The following CLASP1 variants were observed in gnomAD, a reference collection of about 807,000 sequenced individuals.
The protein encoded by CLASP1 is CLIP-associating protein 1.
In CLASP1, 38 loss-of-function variants were observed where a neutral mutation model predicts 192.3. That is an observed-to-expected ratio of 0.20 (90% CI 0.15 to 0.26). The LOEUF is 0.26. Among genes scored for constraint, CLASP1 ranks in the 10% least tolerant of loss-of-function variants. CLASP1 has a pLI of 1.00. For synonymous variants in CLASP1, 691 were observed against 712.8 expected, an observed-to-expected ratio of 0.97 and a Z score of 0.49; for missense variants, 1,433 against 1,932.5, an observed-to-expected ratio of 0.74 and a Z score of 4.85.
intron 8 of CLASP1, among the ~76,000 whole-genome samples, chr2:121,475,834 G>A (rs2091529649): frequency 6.6e-6 from 1 of 152,104 alleles, no homozygotes; most frequent in African/African-American, 2.4e-5. Flanking sequence ...GACTGCCATG[G>A]GAGGGCCACT....
chr2:121,489,462 T>C (rs936027122), intron 8 of CLASP1, among the ~76,000 whole-genome samples: 1 of 152,248 alleles, frequency 6.6e-6, no homozygotes, highest in Non-Finnish European at 1.5e-5. Flanking sequence ...TGTTACTGTA[T>C]GCAATTTTAC....
At chr2:121,449,598 G>GA (rs766800084) in intron 16 of CLASP1, among the ~76,000 whole-genome samples, 4 of 115,978 alleles carry the variant, frequency 3.4e-5, no homozygotes, top group Non-Finnish European at 6.6e-5. Context: ...TAAAGACCAA[G>GA]AAAAAATGGG....
intron 2 of CLASP1, among the ~76,000 whole-genome samples, chr2:121,574,342 A>G (rs2060270487): frequency 6.6e-6 from 1 of 151,000 alleles, no homozygotes; most frequent in East Asian, 1.9e-4. Flanking sequence ...AAAAAAAAAA[A>G]AATCACTGAT....
chr2:121,476,554 T>G (rs936441479), intron 8 of CLASP1, among the ~76,000 whole-genome samples: 5 of 152,146 alleles, frequency 3.3e-5, no homozygotes, highest in African/African-American at 1.2e-4. Flanking sequence ...TCACAGAAAC[T>G]AAGAAATAAC....
intron 30 of CLASP1, among the ~76,000 whole-genome samples, chr2:121,394,459 G>C (rs1189134153): frequency 6.6e-6 from 1 of 152,222 alleles, no homozygotes; most frequent in Non-Finnish European, 1.5e-5. Context: ...GGTTTCTGAA[G>C]AGAAATGAGC....
At chr2:121,602,012 T>C (rs919377353) in intron 2 of CLASP1, among the ~76,000 whole-genome samples, 26 of 151,808 alleles carry the variant, frequency 1.7e-4, no homozygotes, top group Non-Finnish European at 3.5e-4. Context: ...CCATCTCTAC[T>C]AAAAACACAA....
intron 26 of CLASP1, chr2:121,403,330 G>C: frequency 2.2e-6 from 1 of 449,158 alleles, no homozygotes; most frequent in Non-Finnish European, 4.5e-6. Context: ...CCCTGCCCCA[G>C]AGCAGGTACT....
chr2:121,409,016 A>G (rs2077309001), intron 24 of CLASP1: 5 of 1,562,378 alleles, frequency 3.2e-6, no homozygotes, highest in Middle Eastern at 1.7e-4. Context: ...AAGTTAAAGG[A>G]CTGGTACCTT....
intron 19 of CLASP1, among the ~76,000 whole-genome samples, chr2:121,436,362 A>G (rs974051895): frequency 2.8e-5 from 4 of 143,980 alleles, no homozygotes; most frequent in Non-Finnish European, 6.1e-5. Context: ...CAGATTTTTT[A>G]TTTTTGTCTT....
At chr2:121,519,243 A>G (rs368905610) in intron 6 of CLASP1, among the ~76,000 whole-genome samples, 2 of 152,250 alleles carry the variant, frequency 1.3e-5, no homozygotes, top group Non-Finnish European at 2.9e-5. Flanking sequence ...ACTGAAAGAA[A>G]TAACAGTTTC....
intron 34 of CLASP1, among the ~76,000 whole-genome samples, chr2:121,371,495 TC>T (rs1450206429): frequency 6.6e-6 from 1 of 151,982 alleles, no homozygotes; most frequent in Non-Finnish European, 1.5e-5. Context: ...TGCCTTGGCC[TC>T]CCAAAGTGCT....
chr2:121,637,896 A>G (rs10192666), intron 1 of CLASP1, among the ~76,000 whole-genome samples: 32,829 of 151,930 alleles, frequency 0.22, 5,054 homozygotes, highest in African/African-American at 0.43. Flanking sequence ...AAAAAAAAAA[A>G]GAATTGAAAA....
At chr2:121,362,369 A>G (rs865989461) in intron 37 of CLASP1, among the ~76,000 whole-genome samples, 60 of 150,694 alleles carry the variant, frequency 4.0e-4, no homozygotes, top group African/African-American at 1.4e-3. Context: ...ACAATCCAAT[A>G]AGCAACAGGC....
intron 2 of CLASP1, 97 bp downstream of exon 2, chr2:121,605,604 C>T: frequency 1.3e-6 from 1 of 791,042 alleles, no homozygotes; most frequent in Non-Finnish European, 2.1e-6. Flanking sequence ...ACCAAGGAAG[C>T]ATGCTGACTG....
intron 7 of CLASP1, among the ~76,000 whole-genome samples, chr2:121,507,753 G>A (rs1423528666): frequency 1.3e-5 from 2 of 152,098 alleles, no homozygotes; most frequent in African/African-American, 4.8e-5. Context: ...AAGACAAAGA[G>A]AAAATCTTCA....
At chr2:121,478,784 C>CA (rs1559367075) in intron 8 of CLASP1, among the ~76,000 whole-genome samples, 30 of 29,620 alleles carry the variant, frequency 1.0e-3, no homozygotes, top group African/African-American at 3.5e-3. Context: ...CACACACACC[C>CA]CACACACACC....
At chr2:121,461,739 G>A (rs1369042531) in intron 10 of CLASP1, among the ~76,000 whole-genome samples, 1 of 152,040 alleles carries the variant, frequency 6.6e-6, no homozygotes, top group Non-Finnish European at 1.5e-5. Context: ...GGAGTGCAGT[G>A]GCGCAATCTC....
chr2:121,394,280 CA>C, intron 30 of CLASP1, among the ~76,000 whole-genome samples: 1 of 152,342 alleles, frequency 6.6e-6, no homozygotes, highest in African/African-American at 2.4e-5. Flanking sequence ...CCTCATCAGG[CA>C]AGCCCTTAAA....
At chr2:121,568,960 T>C (rs1008657377) in intron 2 of CLASP1, among the ~76,000 whole-genome samples, 1 of 152,134 alleles carries the variant, frequency 6.6e-6, no homozygotes, top group Non-Finnish European at 1.5e-5. Context: ...CATATATCTG[T>C]TAAGCCAGAG....
Sources: allele counts gnomAD v4.1 joint callset (sites outside exome capture counted in the v4.1 genomes callset), GRCh38; gene constraint gnomAD v4.1.1; transcripts MANE v1.5; gene names NCBI Gene and HGNC (gene_info 2026-07-23, HGNC 2026-07-21).